BCAS3: variants seen among roughly 807,000 people sequenced by gnomAD.
BCAS3 encodes BCAS3 microtubule associated cell migration factor, also known as BCAS4/BCAS3 fusion.
A neutral mutation model predicts 116.1 loss-of-function variants in BCAS3; 53 were observed. That is an observed-to-expected ratio of 0.46 (90% CI 0.37 to 0.57). The LOEUF (loss-of-function observed/expected upper bound fraction) is 0.57. Ranked by LOEUF, BCAS3 falls within the 20% of genes least tolerant of loss-of-function variation. BCAS3 has a pLI of 0.00. For missense variants in BCAS3, 917 were observed against 1,165.4 expected, an observed-to-expected ratio of 0.79 and a Z score of 3.10; for synonymous variants, 391 against 408.2, an observed-to-expected ratio of 0.96 and a Z score of 0.51.
chr17:61,357,889 G>A (rs1420217352), intron 22 of BCAS3, among the ~76,000 whole-genome samples: 1 of 151,924 alleles, frequency 6.6e-6, no homozygotes, highest in African/African-American at 2.4e-5. Context: ...AAGAGTTCCA[G>A]ACCCGCCTGG....
chr17:61,201,232 G>C (rs939456882), intron 22 of BCAS3, among the ~76,000 whole-genome samples: 2 of 152,250 alleles, frequency 1.3e-5, no homozygotes, highest in Non-Finnish European at 2.9e-5. Context: ...GAGGAGGCCT[G>C]CAGACAGTAA....
At chr17:60,785,678 TTGAG>T (rs1474900382) in intron 6 of BCAS3, among the ~76,000 whole-genome samples, 1 of 152,202 alleles carries the variant, frequency 6.6e-6, no homozygotes, top group South Asian at 2.1e-4. Flanking sequence ...ACATGAAGTA[TTGAG>T]TGAGAATAAT....
chr17:61,030,985 A>G (rs750332823), intron 16 of BCAS3, among the ~76,000 whole-genome samples: 2 of 152,056 alleles, frequency 1.3e-5, no homozygotes, highest in Non-Finnish European at 2.9e-5. Context: ...CACATAATCA[A>G]TACAGTTAAA....
chr17:61,042,101 G>T (rs1293749547), intron 19 of BCAS3, among the ~76,000 whole-genome samples: 3 of 152,010 alleles, frequency 2.0e-5, no homozygotes, highest in Non-Finnish European at 4.4e-5. Context: ...TCAAGAAGCA[G>T]TGCATATAGA....
At chr17:61,197,159 G>C (rs901753343) in intron 22 of BCAS3, among the ~76,000 whole-genome samples, 4 of 152,188 alleles carry the variant, frequency 2.6e-5, no homozygotes, top group Non-Finnish European at 5.9e-5. Context: ...AAGAGGCAAA[G>C]GTGAAGAGTA....
intron 22 of BCAS3, among the ~76,000 whole-genome samples, chr17:61,246,073 C>T (rs2047921479): frequency 6.6e-6 from 1 of 152,154 alleles, no homozygotes; most frequent in African/African-American, 2.4e-5. Flanking sequence ...TTTGGCCTAC[C>T]TCACACACTG....
At chr17:61,255,851 A>G (rs566961666) in intron 22 of BCAS3, among the ~76,000 whole-genome samples, 101 of 152,230 alleles carry the variant, frequency 6.6e-4, no homozygotes, top group Non-Finnish European at 1.3e-3. Flanking sequence ...AGTGAGTGAC[A>G]CCTAATTGAA....
intron 15 of BCAS3, among the ~76,000 whole-genome samples, chr17:61,010,921 G>A (rs183511860): frequency 1.3e-5 from 2 of 152,046 alleles, no homozygotes; most frequent in East Asian, 1.9e-4. Flanking sequence ...TCTTAGATGA[G>A]CTTATTTTCT....
intron 6 of BCAS3, among the ~76,000 whole-genome samples, chr17:60,769,669 G>A (rs1254984438): frequency 2.0e-5 from 3 of 152,202 alleles, no homozygotes; most frequent in Non-Finnish European, 4.4e-5. Context: ...CAGTGGCAGT[G>A]GGATTTGTCC....
At position 61,377,140 on chromosome 17, in the gene BCAS3, G is replaced by A. The variant is rs1430287295; in HGVS notation, c.2593+8646G>A. On this transcript the variant is annotated intron_variant, in intron 23 of 23. Transcript: ENST00000407086. This position sits in a 1 kb window ranked among gnomAD's most constrained non-coding sequence, Gnocchi z 4.6. The stretch of plus-strand genomic sequence containing the variant: ...TCAGGAGTGCTCCCCTGCCCACAGG[G>A]CATGGTCTTTCTAGGATGCGGAGGC... Among the ~76,000 whole-genome samples the A allele has an allele frequency of 6.6e-6, 1 of 152,196 alleles. No homozygotes were observed. The highest frequency in any genetic ancestry group is 6.5e-5 in the Admixed American group (1 of 15,280).
intron 23 of BCAS3, among the ~76,000 whole-genome samples, chr17:61,371,804 C>G (rs1164597297): frequency 6.6e-6 from 1 of 152,196 alleles, no homozygotes; most frequent in Admixed American, 6.5e-5. Context: ...TCAGGCCATG[C>G]CCAGCCCTGC....
chr17:60,829,394 T>G (rs1228209971), intron 7 of BCAS3, among the ~76,000 whole-genome samples: 1 of 151,172 alleles, frequency 6.6e-6, no homozygotes, highest in South Asian at 2.1e-4. Flanking sequence ...CTCGGGAGGC[T>G]GAGGCAGGAG....
intron 22 of BCAS3, among the ~76,000 whole-genome samples, chr17:61,110,508 C>G (rs2074993815): frequency 6.6e-6 from 1 of 152,206 alleles, no homozygotes; most frequent in South Asian, 2.1e-4. Context: ...TTGGGTCACT[C>G]CCACCTGAAT....
At chr17:61,329,176 G>A (rs1271633592) in intron 22 of BCAS3, among the ~76,000 whole-genome samples, 1 of 151,568 alleles carries the variant, frequency 6.6e-6, no homozygotes, top group Non-Finnish European at 1.5e-5. Context: ...GATTACAGGC[G>A]CCTGGCCAAA....
intron 22 of BCAS3, among the ~76,000 whole-genome samples, chr17:61,341,279 C>T (rs1299414107): frequency 6.6e-6 from 1 of 152,170 alleles, no homozygotes; most frequent in Admixed American, 6.5e-5. Flanking sequence ...AAAAGAACAT[C>T]AGCTCCCACC....
chr17:61,173,691 C>T (rs1180731402), intron 22 of BCAS3, among the ~76,000 whole-genome samples: 2 of 151,818 alleles, frequency 1.3e-5, no homozygotes, highest in African/African-American at 4.8e-5. Context: ...CCAGCTTGGG[C>T]AACATAGGAA....
intron 13 of BCAS3, among the ~76,000 whole-genome samples, chr17:60,945,244 A>G (rs74800098): frequency 0.011 from 1,710 of 152,350 alleles, 33 homozygotes; most frequent in African/African-American, 0.038. Context: ...AAAAGAAGTC[A>G]AAATAGATCT....
chr17:60,929,686 A>G (rs941406273), intron 13 of BCAS3, among the ~76,000 whole-genome samples: 7 of 149,032 alleles, frequency 4.7e-5, no homozygotes, highest in African/African-American at 1.7e-4. Context: ...GTCATTTAGC[A>G]TTAGGTATAT....
chr17:61,387,349 G>A lies in BCAS3; in HGVS notation c.2594-4628G>A, dbSNP rs2059909204. 3.9e-5 allele frequency among the ~76,000 whole-genome samples: 6 copies of A among 152,086 alleles called. No homozygotes were observed. The highest frequency in any genetic ancestry group is 3.9e-4 in the Admixed American group (6 of 15,268). ...TGACCCCACCCCACCCCATCTCCCT[G>A]GGCACACGCTCCCAAGTGACCAGGG... On this transcript the variant is annotated intron_variant, in intron 23 of 23. Transcript: ENST00000407086. The surrounding 1 kb of genome is among the most constrained non-coding windows in gnomAD (Gnocchi z 6.2).
Sources: allele counts gnomAD v4.1 joint callset (sites outside exome capture counted in the v4.1 genomes callset), GRCh38; gene constraint gnomAD v4.1.1; non-coding constraint Gnocchi (gnomAD v3.1); transcripts MANE v1.5; gene names NCBI Gene and HGNC (gene_info 2026-07-23, HGNC 2026-07-21).